DPYD: variants seen among roughly 807,000 people sequenced by gnomAD.
DPYD encodes dihydropyrimidine dehydrogenase [NADP(+)].
Under a neutral mutation model 116.2 loss-of-function variants are expected in DPYD, and 109 were observed. That is an observed-to-expected ratio of 0.94 (90% CI 0.80 to 1.10). DPYD has a LOEUF of 1.10. DPYD is among the 50% of genes least tolerant of loss of function. The probability of loss-of-function intolerance (pLI) is 0.00; values close to 1 mark genes in which losing one functional copy is unlikely to be tolerated. For synonymous variants in DPYD, 440 were observed against 432.0 expected (o/e 1.02, Z -0.23); for missense variants, 1,302 against 1,254.5 (o/e 1.04, Z -0.57).
At chr1:97,504,889 C>T (rs1198571333) in intron 13 of DPYD, among the ~76,000 whole-genome samples, 36 of 85,584 alleles carry the variant, frequency 4.2e-4, no homozygotes, top group African/African-American at 1.6e-3. Flanking sequence ...AGGAAAGGGG[C>T]CGGGGGGTGG....
At chr1:97,333,034 C>G (rs182715126) in intron 16 of DPYD, among the ~76,000 whole-genome samples, 1 of 151,242 alleles carries the variant, frequency 6.6e-6, no homozygotes, top group African/African-American at 2.4e-5. Flanking sequence ...ATTTAAAAGA[C>G]CCCCAAAGAA....
chr1:97,721,795 A>C, intron 4 of DPYD, 124 bp from the exon 5 acceptor site: 2 of 861,524 alleles, frequency 2.3e-6, no homozygotes. Context: ...TATAAGATGC[A>C]TAGGTTTCAA....
intron 14 of DPYD, among the ~76,000 whole-genome samples, chr1:97,389,814 C>T (rs1363249347): frequency 6.7e-6 from 1 of 150,244 alleles, no homozygotes; most frequent in Admixed American, 6.6e-5. Context: ...ATTTCTTTCT[C>T]TCTAAAAGGT....
intron 16 of DPYD, among the ~76,000 whole-genome samples, chr1:97,361,174 C>T (rs1048350337): frequency 1.2e-4 from 19 of 152,146 alleles, no homozygotes; most frequent in African/African-American, 4.1e-4. Flanking sequence ...ATACTATAAA[C>T]GTCTCTACCA....
intron 8 of DPYD, among the ~76,000 whole-genome samples, chr1:97,618,471 G>A (rs1468200202): frequency 1.3e-5 from 2 of 151,328 alleles, no homozygotes; most frequent in Admixed American, 1.3e-4. Flanking sequence ...CGCCTCCCGG[G>A]TTCAAGCAAG....
chr1:97,631,845 T>C (rs1166643314), intron 8 of DPYD, among the ~76,000 whole-genome samples: 3 of 151,968 alleles, frequency 2.0e-5, no homozygotes, highest in East Asian at 3.9e-4. Flanking sequence ...ATTAAACAGA[T>C]GCATAAAAAT....
In DPYD at chr1:97,433,784, T is replaced by C. The variant is rs1041566441; in HGVS notation, c.1905+16275A>G. 2.0e-5 allele frequency among the ~76,000 whole-genome samples: 3 copies of C among 152,168 alleles called. No homozygotes were observed. The East Asian group carries it at 5.8e-4, about 29-fold the overall frequency. ...CATTTCATACAACTCTGCAGTTGAA[T>C]AGTATGTATGAAAATATATGAAATG... On this transcript the variant is annotated intron_variant, in intron 14 of 22. Transcript: ENST00000370192.
At chr1:97,129,611 G>A (rs905710821) in intron 20 of DPYD, among the ~76,000 whole-genome samples, 1 of 152,040 alleles carries the variant, frequency 6.6e-6, no homozygotes, top group Non-Finnish European at 1.5e-5. Flanking sequence ...CTCTTCCGCA[G>A]GTTTCAGGCC....
intron 18 of DPYD, among the ~76,000 whole-genome samples, chr1:97,277,809 A>G (rs1665046726): frequency 6.6e-6 from 1 of 152,204 alleles, no homozygotes; most frequent in African/African-American, 2.4e-5. Context: ...TTATTTAGAA[A>G]TTGAAATTAG....
intron 4 of DPYD, among the ~76,000 whole-genome samples, chr1:97,738,741 T>A (rs1439168953): frequency 6.6e-6 from 1 of 152,016 alleles, no homozygotes. Context: ...CAATTAATCA[T>A]CTTCAAATCT....
At chr1:97,502,440 T>C (rs1255087482) in intron 13 of DPYD, among the ~76,000 whole-genome samples, 2 of 151,996 alleles carry the variant, frequency 1.3e-5, no homozygotes, top group African/African-American at 4.8e-5. Context: ...TAAAGTAGAA[T>C]GAGATGAGGA....
intron 21 of DPYD, among the ~76,000 whole-genome samples, chr1:97,090,485 A>G (rs1196312763): frequency 1.3e-5 from 2 of 152,212 alleles, no homozygotes; most frequent in African/African-American, 2.4e-5. Context: ...AAACCTCATA[A>G]GTACTCAATA....
intron 20 of DPYD, among the ~76,000 whole-genome samples, chr1:97,119,483 G>T (rs1173085443): frequency 1.3e-5 from 2 of 152,176 alleles, no homozygotes; most frequent in African/African-American, 4.8e-5. Context: ...GCTGACAGGA[G>T]AGGGAGTGTC....
chr1:97,340,386 A>G (rs1669531689), intron 16 of DPYD, among the ~76,000 whole-genome samples: 1 of 152,186 alleles, frequency 6.6e-6, no homozygotes, highest in African/African-American at 2.4e-5. Flanking sequence ...GGGAAATGAT[A>G]TAAAAACACA....
At chr1:97,252,371 T>C (rs562405925) in intron 18 of DPYD, among the ~76,000 whole-genome samples, 1 of 152,332 alleles carries the variant, frequency 6.6e-6, no homozygotes, top group Non-Finnish European at 1.5e-5. Context: ...GGAAAGGATA[T>C]ATAGTCTGTG....
At chr1:97,181,878 G>A (rs1380162607) in intron 20 of DPYD, among the ~76,000 whole-genome samples, 1 of 151,690 alleles carries the variant, frequency 6.6e-6, no homozygotes, top group Non-Finnish European at 1.5e-5. Flanking sequence ...TTAGATAGAG[G>A]ATTTCTCTTT....
At chr1:97,547,024 G>A in intron 12 of DPYD, 9 of 1,434,182 alleles carry the variant, frequency 6.3e-6, no homozygotes, top group Non-Finnish European at 8.8e-6. Flanking sequence ...TGTTTTGGAA[G>A]TTTATCATAA....
intron 19 of DPYD, among the ~76,000 whole-genome samples, chr1:97,198,853 G>A (rs1468572491): frequency 6.6e-6 from 1 of 152,090 alleles, no homozygotes; most frequent in African/African-American, 2.4e-5. Context: ...ATTTTAAAGA[G>A]AGGCCCCTAG....
intron 8 of DPYD, among the ~76,000 whole-genome samples, chr1:97,647,500 G>A (rs377742179): frequency 2.5e-4 from 38 of 151,822 alleles, no homozygotes; most frequent in East Asian, 1.9e-3. Context: ...TTTATCCAGC[G>A]TGAGTGTTTT....
Sources: gnomAD v4.1 joint callset for allele counts (sites outside exome capture counted in the v4.1 genomes callset) on GRCh38, gnomAD v4.1.1 for gene constraint, MANE v1.5 for transcripts, NCBI Gene and HGNC (gene_info 2026-07-23, HGNC 2026-07-21) for gene names.